Variants in OCA2 observed in about 807,000 individuals in gnomAD.
The protein encoded by OCA2 is P protein.
In OCA2, 77 loss-of-function variants were observed where a neutral mutation model predicts 100.2. The ratio of observed to expected loss-of-function variants is 0.77; its 90% CI spans 0.64 to 0.93. The LOEUF (loss-of-function observed/expected upper bound fraction) is 0.93. OCA2 is among the 40% of genes least tolerant of loss of function. OCA2 has a pLI of 0.00. For synonymous variants in OCA2, 432 were observed against 439.2 expected (o/e 0.98, Z 0.21); for missense variants, 1,062 against 1,089.1 (o/e 0.98, Z 0.35).
intron 19 of OCA2, among the ~76,000 whole-genome samples, chr15:27,909,609 G>C (rs2703927): frequency 2.2e-4 from 33 of 152,024 alleles, no homozygotes; most frequent in Non-Finnish European, 8.8e-5. Context: ...CATATGAAAA[G>C]CTAATGTAGG....
intron 6 of OCA2, among the ~76,000 whole-genome samples, chr15:28,019,249 G>C (rs979934548): frequency 5.3e-5 from 8 of 152,030 alleles, no homozygotes; most frequent in African/African-American, 1.9e-4. Context: ...TAGGGAGAAT[G>C]GGGAGAAGGG....
chr15:27,733,721 A>G, the OCA2 span, among the ~76,000 whole-genome samples: 6 of 152,094 alleles, frequency 3.9e-5, no homozygotes, highest in Non-Finnish European at 7.4e-5. Context: ...TTAATAATTA[A>G]TTTTTTATTT....
intron 2 of OCA2, among the ~76,000 whole-genome samples, chr15:28,068,094 T>G (rs1342797700): frequency 6.6e-6 from 1 of 152,256 alleles, no homozygotes; most frequent in Non-Finnish European, 1.5e-5. Flanking sequence ...TTCATTGTCC[T>G]TCTTAATTTT....
chr15:27,981,869 CAG>C (rs1209841799), intron 14 of OCA2, among the ~76,000 whole-genome samples: 1 of 152,194 alleles, frequency 6.6e-6, no homozygotes, highest in Non-Finnish European at 1.5e-5. Context: ...CCTCTCAACT[CAG>C]GGGGTGTCAT....
intron 23 of OCA2, among the ~76,000 whole-genome samples, chr15:27,831,501 C>T (rs1406326529): frequency 1.3e-5 from 2 of 152,178 alleles, no homozygotes; most frequent in African/African-American, 4.8e-5. Context: ...CCCTCTCCTC[C>T]TGGGAGGCAT....
chr15:28,077,802 C>T (rs2044480032), intron 2 of OCA2, among the ~76,000 whole-genome samples: 1 of 152,170 alleles, frequency 6.6e-6, no homozygotes, highest in East Asian at 1.9e-4. Flanking sequence ...CTGAATTGGG[C>T]CAGAAGCGGT....
At chr15:27,851,703 G>A (rs1351108505) in intron 21 of OCA2, among the ~76,000 whole-genome samples, 2 of 152,192 alleles carry the variant, frequency 1.3e-5, no homozygotes, top group African/African-American at 2.4e-5. Flanking sequence ...CTGGTCCTGA[G>A]CCCTGCCAGC....
At chr15:27,926,332 T>TCTGGTGTGTGAGTCAGTAG in intron 18 of OCA2, 78 bp from the exon 19 acceptor site, 2 of 1,483,278 alleles carry the variant, frequency 1.3e-6, no homozygotes, top group Non-Finnish European at 1.9e-6. Context: ...TCTGGTTGCC[T>TCTGGTGTGTGAGTCAGTAG]TTTTCTTTAT....
In OCA2 at chr15:28,074,444, G is replaced by A. The variant is rs187874437; in HGVS notation, c.227+7204C>T. ...AATCCCAGCACTTTGGGAGGCCGAG[G>A]CGGGCGGATCACGAGGTCAGGAGAT... On this transcript the variant is annotated intron_variant, in intron 2 of 23. Coordinates refer to ENST00000354638, the MANE Select transcript of OCA2 (RefSeq NM_000275.3). 9.8e-3 allele frequency among the ~76,000 whole-genome samples: 1,488 copies of A among 152,214 alleles called. 24 individuals carry two copies. Among genetic ancestry groups the A allele is most frequent in the African/African-American group, 0.034 (1,418 of 41,518 alleles).
intron 19 of OCA2, among the ~76,000 whole-genome samples, chr15:27,902,219 G>GT (rs1403290017): frequency 8.3e-6 from 1 of 119,978 alleles, no homozygotes; most frequent in Non-Finnish European, 1.9e-5. Flanking sequence ...TGTTGTTGTT[G>GT]TTTTTTTCTA....
intron 1 of OCA2, among the ~76,000 whole-genome samples, chr15:28,095,243 G>A (rs2044952654): frequency 6.6e-6 from 1 of 152,114 alleles, no homozygotes; most frequent in African/African-American, 2.4e-5. Context: ...GTTGGCGCCC[G>A]GCGGGAGGGC....
chr15:27,941,836 A>G (rs1316948353), intron 18 of OCA2, among the ~76,000 whole-genome samples: 1 of 152,206 alleles, frequency 6.6e-6, no homozygotes, highest in Non-Finnish European at 1.5e-5. Context: ...TTCCAAACAG[A>G]TGGAAAAAAC....
chr15:27,777,185 G>A (rs987791812), intron 23 of OCA2, among the ~76,000 whole-genome samples: 2 of 152,182 alleles, frequency 1.3e-5, no homozygotes, highest in Non-Finnish European at 2.9e-5. Context: ...CCTTCAAAAA[G>A]TGGGGTCCTT....
At chr15:27,885,439 C>T (rs2151566111) in intron 19 of OCA2, among the ~76,000 whole-genome samples, 2 of 152,276 alleles carry the variant, frequency 1.3e-5, no homozygotes, top group East Asian at 3.9e-4. Flanking sequence ...CATGAACAGG[C>T]CTGCATGGAG....
chr15:27,763,583 G>A (rs2031011745), intron 23 of OCA2, among the ~76,000 whole-genome samples: 1 of 152,212 alleles, frequency 6.6e-6, no homozygotes, highest in Non-Finnish European at 1.5e-5. Flanking sequence ...CAATGATGCG[G>A]CTGCTGTGAG....
At chr15:28,029,039 C>G (rs549677115) in intron 3 of OCA2, among the ~76,000 whole-genome samples, 3 of 152,036 alleles carry the variant, frequency 2.0e-5, no homozygotes, top group South Asian at 2.1e-4. Context: ...AGTTTAGATG[C>G]ACTTGACTCT....
chr15:27,970,596 A>C (rs1337393630), intron 14 of OCA2, among the ~76,000 whole-genome samples: 1 of 151,900 alleles, frequency 6.6e-6, no homozygotes, highest in Non-Finnish European at 1.5e-5. Flanking sequence ...CCCAGCATGC[A>C]CAGTATGGCA....
At chr15:27,908,619 C>A (rs1226245742) in intron 19 of OCA2, among the ~76,000 whole-genome samples, 1 of 152,088 alleles carries the variant, frequency 6.6e-6, no homozygotes, top group Non-Finnish European at 1.5e-5. Context: ...GGGGAAAAGA[C>A]GAATGTGGAG....
intron 18 of OCA2, among the ~76,000 whole-genome samples, chr15:27,935,425 T>C (rs1474896891): frequency 6.6e-6 from 1 of 152,204 alleles, no homozygotes; most frequent in African/African-American, 2.4e-5. Flanking sequence ...GGAGCCTCTT[T>C]TCCCTCATTC....
Sources: gnomAD v4.1 joint callset for allele counts (sites outside exome capture counted in the v4.1 genomes callset) on GRCh38, gnomAD v4.1.1 for gene constraint, MANE v1.5 for transcripts, NCBI Gene and HGNC (gene_info 2026-07-23, HGNC 2026-07-21) for gene names.